Variants in FBXO38 observed in about 807,000 individuals in gnomAD.
FBXO38 encodes F-box protein 38, also known as F-box only protein 38.
A neutral mutation model predicts 131.9 loss-of-function variants in FBXO38; 53 were observed. The observed-to-expected ratio is 0.40, with a 90% confidence interval of 0.32 to 0.51. The LOEUF (loss-of-function observed/expected upper bound fraction) is 0.51. Ranked by LOEUF, FBXO38 falls within the 20% of genes least tolerant of loss-of-function variation. FBXO38 has a pLI of 0.53. For synonymous variants in FBXO38, 452 were observed against 505.6 expected (o/e 0.89, Z 1.42); for missense variants, 1,076 against 1,475.6 (o/e 0.73, Z 4.44).
At chr5:148,440,570 G>T in intron 20 of FBXO38, 43 bp downstream of exon 20, 1 of 1,205,468 alleles carries the variant, frequency 8.3e-7, no homozygotes, top group Non-Finnish European at 1.2e-6. Context: ...AGCCTGTGCA[G>T]TACTTACCTC....
At chr5:148,408,448 A>C (rs1268436173) in intron 7 of FBXO38, among the ~76,000 whole-genome samples, 1 of 152,234 alleles carries the variant, frequency 6.6e-6, no homozygotes, top group Non-Finnish European at 1.5e-5. Flanking sequence ...CACTGTTTCT[A>C]ATCATCCCAA....
chr5:148,438,352 A>C lies in FBXO38; in HGVS notation c.2878A>C (p.Lys960Gln). Reference sequence around the variant, plus strand: ...TGTAGCTACCAGGTGCAGGGTACTAAAACATTTAAAGGTAGAAAATGCACC... The same window carrying C: ...TGTAGCTACCAGGTGCAGGGTACTACAACATTTAAAGGTAGAAAATGCACC... ...FIHATRCRVLKHLKVENAPIV... is the reference protein window; with the variant it reads ...FIHATRCRVLQHLKVENAPIV... Residue 960 changes from lysine to glutamine, a missense_variant, in exon 18 of 22, where the codon AAA becomes CAA. This residue lies in a region of FBXO38 where 282 missense variants were observed against 418.8 expected (regional missense o/e 0.67). Transcript: ENST00000340253. 6.2e-7 allele frequency: 1 copy of C among 1,613,948 alleles called. No homozygotes were observed. Among genetic ancestry groups the C allele is most frequent in the Non-Finnish European group, 8.5e-7 (1 of 1,179,872 alleles).
intron 12 of FBXO38, among the ~76,000 whole-genome samples, chr5:148,422,163 T>C (rs1753479523): frequency 6.6e-6 from 1 of 152,000 alleles, no homozygotes; most frequent in African/African-American, 2.4e-5. Flanking sequence ...AACCAAACAA[T>C]ATTGATACCT....
chr5:148,386,693 A>C (rs997081413), intron 1 of FBXO38, among the ~76,000 whole-genome samples: 2 of 152,152 alleles, frequency 1.3e-5, no homozygotes, highest in East Asian at 1.9e-4. Context: ...CGCAAAGTAT[A>C]GTCTTTATAT....
chr5:148,435,624 G>C (rs916277453), intron 17 of FBXO38, among the ~76,000 whole-genome samples: 1 of 152,130 alleles, frequency 6.6e-6, no homozygotes, highest in Admixed American at 6.5e-5. Flanking sequence ...CAAAAAATTA[G>C]CCGGGCATGG....
rs1220690420 is a variant in FBXO38, at chr5:148,433,381, G to A, written c.2654-43G>A. The A allele has an allele frequency of 2.8e-6, 4 of 1,413,688 alleles. No homozygotes were observed. The African/African-American group carries it at 4.3e-5, about 15-fold the overall frequency. The allele number at this position is 1,413,688 out of a possible 1,614,324, so 87.6% of individuals were successfully genotyped here. On this transcript the variant is annotated intron_variant, in intron 15 of 21. Coordinates refer to ENST00000340253, the MANE Select transcript of FBXO38 (RefSeq NM_205836.3). ...ATTGAATGTGCTTGAGGGAAAGAAA[G>A]CAAGGCTAAAATTTGGATTTTCTTT...
chr5:148,423,924 G>T, intron 12 of FBXO38, 74 bp from the exon 13 acceptor site: 1 of 1,414,942 alleles, frequency 7.1e-7, no homozygotes, highest in Admixed American at 1.9e-5. Flanking sequence ...TTCTTAGGGC[G>T]GCCACAGTTT....
At chr5:148,391,354 A>G (rs1257911829) in intron 1 of FBXO38, among the ~76,000 whole-genome samples, 1 of 152,224 alleles carries the variant, frequency 6.6e-6, no homozygotes, top group Non-Finnish European at 1.5e-5. Flanking sequence ...TAGCAGAAAC[A>G]TGACTAATAA....
chr5:148,442,621 A>T lies in FBXO38; in HGVS notation c.*474A>T, dbSNP rs1355789473. 6.6e-6 allele frequency: 1 copy of T among 152,518 alleles called. No individual in the cohort carries two copies. The highest frequency in any genetic ancestry group is 2.4e-5 in the African/African-American group (1 of 41,442). 9.4% of individuals were successfully genotyped at this position (152,518 alleles called of 1,614,324 possible). A position where few individuals can be genotyped will look rare whatever the true frequency, so the allele number is the denominator to read the frequency against. The stretch of plus-strand genomic sequence containing the variant: ...ACACCAACTAAACCTTATAGTCAAG[A>T]CAAGGCTCTATGTTTCTGTACAAAG... On this transcript the variant is annotated 3_prime_UTR_variant, in exon 22 of 22. Coordinates refer to ENST00000340253, the MANE Select transcript of FBXO38 (RefSeq NM_205836.3).
At chr5:148,392,678 G>A (rs1012097027) in intron 1 of FBXO38, among the ~76,000 whole-genome samples, 1 of 151,184 alleles carries the variant, frequency 6.6e-6, no homozygotes, top group Admixed American at 6.6e-5. Context: ...AAGAGGGCTC[G>A]AGGATAAATT....
chr5:148,407,185 C>T (rs1752488908), intron 7 of FBXO38, among the ~76,000 whole-genome samples: 1 of 152,148 alleles, frequency 6.6e-6, no homozygotes, highest in South Asian at 2.1e-4. Flanking sequence ...GATGAAACAA[C>T]CCCTTAAAAC....
chr5:148,441,980 G>A lies in FBXO38; in HGVS notation c.3400G>A (p.Ala1134Thr), dbSNP rs749185535. 2.5e-6 allele frequency: 4 copies of A among 1,612,442 alleles called. 1 individual carries two copies. The South Asian group carries it at 4.4e-5, about 18-fold the overall frequency. ...TTCTAATTTCAAAGGCACTATCTAT[G>A]CTCCTAGAAGGAAAGGACAGCTGTC... ...FEDDEESTIY[A>T]PRRKGQLSAD... is the part of the protein sequence containing the mutation. The change falls in exon 22 of 22, where the codon GCT (alanine) becomes ACT (threonine). Residue 1134 changes from alanine (A) to threonine (T), a missense_variant. Ala to Thr is a moderately conservative substitution (Grantham distance 58). Around this residue, in one of 8 missense-constraint regions of FBXO38, gnomAD observed 282 missense variants for 418.8 expected, o/e 0.67. Coordinates refer to ENST00000340253, the MANE Select transcript of FBXO38 (RefSeq NM_205836.3).
chr5:148,426,402 A>G (rs1430327109), intron 14 of FBXO38, among the ~76,000 whole-genome samples: 1 of 152,230 alleles, frequency 6.6e-6, no homozygotes, highest in East Asian at 1.9e-4. Context: ...TAGTACTATT[A>G]TCTGGAAAGT....
At chr5:148,415,809 A>G (rs1561530263) in intron 10 of FBXO38, 119 bp from the exon 11 acceptor site, 2 of 1,072,316 alleles carry the variant, frequency 1.9e-6, no homozygotes. Context: ...AGTCATGAAA[A>G]AAAGGAAAAG....
intron 21 of FBXO38, 136 bp from the exon 22 acceptor site, chr5:148,441,833 C>A: frequency 1.7e-6 from 1 of 593,656 alleles, no homozygotes; most frequent in Non-Finnish European, 2.7e-6. Context: ...TGGTGGTGAC[C>A]CATTCCTTGA....
intron 1 of FBXO38, among the ~76,000 whole-genome samples, chr5:148,393,368 A>G (rs1457420410): frequency 1.3e-5 from 2 of 152,024 alleles, no homozygotes; most frequent in African/African-American, 4.8e-5. Context: ...TAGAGTGTCC[A>G]TTTACTGCTG....
chr5:148,425,975 T>C (rs1168957215), intron 14 of FBXO38, among the ~76,000 whole-genome samples: 1 of 152,100 alleles, frequency 6.6e-6, no homozygotes, highest in Non-Finnish European at 1.5e-5. Context: ...TGTCAGAGAT[T>C]AGTGAGCGAA....
chr5:148,435,343 T>C (rs1754285816), intron 17 of FBXO38, among the ~76,000 whole-genome samples: 1 of 152,240 alleles, frequency 6.6e-6, no homozygotes, highest in Non-Finnish European at 1.5e-5. Flanking sequence ...GGAATAGCAC[T>C]TTTAATTTCT....
Position 148,433,674 on chromosome 5 carries a change from A to G in FBXO38, c.2794A>G (p.Met932Val), listed in dbSNP as rs372479730. 47 of 1,611,232 alleles carry G rather than the reference A, an allele frequency of 2.9e-5. No homozygotes were observed. The highest frequency in any genetic ancestry group is 6.7e-5 in the African/African-American group (5 of 74,780). Residue 932 changes from methionine (M) to valine (V), a missense_variant, in exon 17 of 22, where the codon ATG becomes GTG. Physicochemically the swap from Met to Val is conservative, Grantham distance 21. This residue lies in a region of FBXO38 where 282 missense variants were observed against 418.8 expected (regional missense o/e 0.67). Coordinates refer to ENST00000340253, the MANE Select transcript of FBXO38 (RefSeq NM_205836.3). ...ATCCAAGAATCTTGTTGGAGTCACT[A>G]TGACCAATTGTGGAATCACAGATCT... ...LKSKNLVGVT[M>V]TNCGITDLVL...
Sources: gnomAD v4.1 joint callset for allele counts (sites outside exome capture counted in the v4.1 genomes callset) on GRCh38, gnomAD v4.1.1 for gene constraint, gnomAD v4.1.1 regional missense constraint, MANE v1.5 for transcripts, NCBI Gene and HGNC (gene_info 2026-07-23, HGNC 2026-07-21) for gene names.